The following UBE2F variants were observed in gnomAD, a reference collection of about 807,000 sequenced individuals.
UBE2F encodes ubiquitin conjugating enzyme E2 F (putative), also known as NEDD8-conjugating enzyme UBE2F.
UBE2F carries 5 observed loss-of-function variants against 29.6 expected under a neutral mutation model. The observed-to-expected ratio is 0.17, with a 90% confidence interval of 0.09 to 0.36. UBE2F has a LOEUF of 0.36. Among genes scored for constraint, UBE2F ranks in the 10% least tolerant of loss-of-function variants. The pLI, the probability that UBE2F is intolerant of heterozygous loss-of-function variation, is 1.00. For missense variants in UBE2F, 141 were observed against 228.5 expected (o/e 0.62, Z 2.47); for synonymous variants, 66 against 81.8 (o/e 0.81, Z 1.04).
chr2:237,986,142 C>CCTTT, intron 2 of UBE2F: 1 of 260,584 alleles, frequency 3.8e-6, no homozygotes, highest in East Asian at 1.3e-4. Context: ...CTTTTCTTTT[C>CCTTT]TTTTTTTTTT....
At chr2:237,993,801 A>G (rs2063636222) in intron 3 of UBE2F, among the ~76,000 whole-genome samples, 4 of 152,216 alleles carry the variant, frequency 2.6e-5, no homozygotes, top group Non-Finnish European at 2.9e-5. Flanking sequence ...TATTTTTCCT[A>G]TGGGTAATTA....
intron 3 of UBE2F, among the ~76,000 whole-genome samples, chr2:237,994,395 G>A (rs1022775744): frequency 6.6e-6 from 1 of 152,134 alleles, no homozygotes; most frequent in Admixed American, 6.6e-5. Flanking sequence ...GCCTTTGCCT[G>A]CATGTATTAA....
chr2:238,025,324 AT>A lies in UBE2F; in HGVS notation c.283-16del. ...AGAGACTGTCGGCGTGATCTCTCTC[AT>A]TGTCTCTGTGTTGCAGCCTCCCAAA... On this transcript the variant is annotated splice_polypyrimidine_tract_variant and intron_variant, in intron 5 of 9. Coordinates refer to ENST00000272930, the MANE Select transcript of UBE2F (RefSeq NM_080678.3). The A allele has an allele frequency of 6.2e-7, 1 of 1,611,894 alleles. No individual in the cohort carries two copies.
At chr2:238,029,520 G>A (rs1056199722) in intron 6 of UBE2F, among the ~76,000 whole-genome samples, 29 of 151,532 alleles carry the variant, frequency 1.9e-4, no homozygotes, top group African/African-American at 6.5e-4. Flanking sequence ...GCGTAAAACC[G>A]GAGAGGTGGA....
Position 237,978,343 on chromosome 2 carries a change from A to G in UBE2F, c.118+5118A>G, listed in dbSNP as rs552884867. Among the ~76,000 whole-genome samples, 341 of 152,180 alleles carry G rather than the reference A, an allele frequency of 2.2e-3. 2 individuals carry two copies. Among genetic ancestry groups the G allele is most frequent in the Non-Finnish European group, 2.7e-3 (185 of 68,022 alleles). On this transcript the variant is annotated intron_variant, in intron 2 of 9. Coordinates refer to ENST00000272930, the MANE Select transcript of UBE2F (RefSeq NM_080678.3). ...TGGGCTCTGATGTGGTGCAGATGGCAGTAGGGCTGAGCTTATAGGAGGCAG... is the reference window on the plus strand; with the variant it reads ...TGGGCTCTGATGTGGTGCAGATGGCGGTAGGGCTGAGCTTATAGGAGGCAG...
chr2:238,029,532 C>T (rs2064520948), intron 6 of UBE2F, among the ~76,000 whole-genome samples: 1 of 150,132 alleles, frequency 6.7e-6, no homozygotes, highest in Non-Finnish European at 1.5e-5. Context: ...AGAGGTGGAG[C>T]TTACAGTGAG....
chr2:238,019,194 A>G (rs574829038), intron 5 of UBE2F, among the ~76,000 whole-genome samples: 3 of 151,924 alleles, frequency 2.0e-5, no homozygotes, highest in South Asian at 2.1e-4. Context: ...ACATTTTTCT[A>G]TTTCCACTGC....
intron 4 of UBE2F, among the ~76,000 whole-genome samples, chr2:238,015,855 C>G (rs2064140122): frequency 6.6e-6 from 1 of 152,100 alleles, no homozygotes; most frequent in East Asian, 1.9e-4. Context: ...TTAGTGACCC[C>G]AGGCTGGGTA....
At chr2:237,984,273 G>A (rs2063436557) in intron 2 of UBE2F, among the ~76,000 whole-genome samples, 1 of 152,148 alleles carries the variant, frequency 6.6e-6, no homozygotes, top group African/African-American at 2.4e-5. Flanking sequence ...TAGGTCACTG[G>A]CCTCCACTTT....
chr2:238,009,113 C>T (rs1278527561), intron 4 of UBE2F, among the ~76,000 whole-genome samples: 3 of 152,234 alleles, frequency 2.0e-5, no homozygotes, highest in African/African-American at 7.2e-5. Context: ...CTTTGTTCCA[C>T]TTTATGCGAT....
At chr2:237,989,552 C>T (rs980346292) in intron 3 of UBE2F, among the ~76,000 whole-genome samples, 2 of 151,818 alleles carry the variant, frequency 1.3e-5, no homozygotes, top group Non-Finnish European at 2.9e-5. Flanking sequence ...GGGTTTTTGC[C>T]TTGTTGGGCA....
chr2:237,968,976 AT>A, intron 1 of UBE2F: 1 of 400,914 alleles, frequency 2.5e-6, no homozygotes, highest in South Asian at 1.0e-4. Context: ...TTTAAATTTA[AT>A]TTTACAGCTA....
intron 3 of UBE2F, among the ~76,000 whole-genome samples, chr2:237,991,609 C>CTTTTTTTTTTTTTTTTTTTT (rs774476848): frequency 9.4e-5 from 5 of 53,042 alleles, no homozygotes; most frequent in East Asian, 9.1e-4. Context: ...TTCTTTCTTT[C>CTTTTTTTTTTTTTTTTTTTT]TTTTTTTTTT....
chr2:237,983,403 G>A (rs745452573), intron 2 of UBE2F, among the ~76,000 whole-genome samples: 2 of 152,212 alleles, frequency 1.3e-5, no homozygotes, highest in Non-Finnish European at 2.9e-5. Context: ...TCCACTGTCT[G>A]TCTTCACCTT....
chr2:237,980,745 C>A (rs1475509905), intron 2 of UBE2F, among the ~76,000 whole-genome samples: 3 of 152,182 alleles, frequency 2.0e-5, no homozygotes, highest in Non-Finnish European at 4.4e-5. Context: ...TCCCCCTTTT[C>A]CTGAGCACCC....
chr2:238,026,671 G>C (rs2064439126), intron 6 of UBE2F, among the ~76,000 whole-genome samples: 2 of 152,116 alleles, frequency 1.3e-5, no homozygotes, highest in South Asian at 4.1e-4. Context: ...CTGACCTTGT[G>C]ATCTGCCCGC....
At chr2:237,977,650 G>A (rs143721356) in intron 2 of UBE2F, among the ~76,000 whole-genome samples, 2,853 of 152,228 alleles carry the variant, frequency 0.019, 35 homozygotes, top group Non-Finnish European at 0.028. Context: ...GGCGGAAGTG[G>A]TGCTGTGGAG....
chr2:237,969,813 A>G (rs2063136957), intron 1 of UBE2F, among the ~76,000 whole-genome samples: 1 of 152,196 alleles, frequency 6.6e-6, no homozygotes, highest in Non-Finnish European at 1.5e-5. Context: ...TAAAGCCCCT[A>G]CAGGTGTTTG....
chr2:237,991,703 A>G (rs1357542356), intron 3 of UBE2F, among the ~76,000 whole-genome samples: 1 of 148,800 alleles, frequency 6.7e-6, no homozygotes, highest in African/African-American at 2.5e-5. Flanking sequence ...CCTGGATTCA[A>G]GTGACTTTCC....
Sources: gnomAD v4.1 joint callset for allele counts (sites outside exome capture counted in the v4.1 genomes callset) on GRCh38, gnomAD v4.1.1 for gene constraint, MANE v1.5 for transcripts, NCBI Gene and HGNC (gene_info 2026-07-23, HGNC 2026-07-21) for gene names.